The following NME9 variants were observed in gnomAD, a reference collection of about 807,000 sequenced individuals.
NME9 encodes NME/NM23 family member 9.
NME9 carries 48 observed loss-of-function variants against 44.4 expected under a neutral mutation model. That is an observed-to-expected ratio of 1.08 (90% confidence interval 0.86 to 1.37). The LOEUF (loss-of-function observed/expected upper bound fraction) is 1.37. NME9 is among the 40% of genes most tolerant of loss of function. The pLI, the probability that NME9 is intolerant of heterozygous loss-of-function variation, is 0.00. For missense variants in NME9, 325 were observed against 405.2 expected (o/e 0.80, Z 1.70); for synonymous variants, 139 against 147.1 (o/e 0.94, Z 0.40).
rs912340785 is a variant in NME9 at position 138,304,912 on chromosome 3, G to T, written c.752C>A (p.Pro251His). The T allele has an allele frequency of 1.2e-6, 2 of 1,614,164 alleles. No individual in the cohort carries two copies. Among genetic ancestry groups the T allele is most frequent in the Non-Finnish European group, 1.7e-6 (2 of 1,180,014 alleles). Residue 251 changes from proline to histidine, a missense_variant, in exon 9 of 11, where the codon CCC (proline) becomes CAC (histidine). Pro to His is a moderately conservative substitution (Grantham distance 77). Coordinates refer to ENST00000333911, the MANE Select transcript of NME9 (RefSeq NM_001349018.2). Reference sequence around the variant, plus strand: ...CCTCCTGGCCACATTGGGGTCACGGGGGCCCATGACGGTTCGCCAGGTAGT... The same window carrying T: ...CCTCCTGGCCACATTGGGGTCACGGTGGCCCATGACGGTTCGCCAGGTAGT... ...VVTTWRTVMG[P>H]RDPNVARREQ... is the part of the protein sequence containing the mutation.
chr3:138,281,901 T>C (rs898175286), intron 8 of NME9, among the ~76,000 whole-genome samples: 1 of 152,198 alleles, frequency 6.6e-6, no homozygotes, highest in East Asian at 1.9e-4. Context: ...TTATGAAGCC[T>C]TATTAAAATT....
intron 8 of NME9, among the ~76,000 whole-genome samples, chr3:138,264,669 C>T (rs1004910655): frequency 5.9e-5 from 9 of 151,898 alleles, no homozygotes; most frequent in Admixed American, 4.6e-4. Flanking sequence ...CTGCCCGCCT[C>T]GGCCCTCCAA....
chr3:138,308,945 G>GAAAAAA (rs1002890235), intron 6 of NME9, among the ~76,000 whole-genome samples: 20 of 52,838 alleles, frequency 3.8e-4, no homozygotes, highest in African/African-American at 8.6e-4. Context: ...AATACTGAAA[G>GAAAAAA]AAAAAAAAAA....
chr3:138,270,201 A>T, intron 8 of NME9: 1 of 1,195,872 alleles, frequency 8.4e-7, no homozygotes, highest in Non-Finnish European at 1.2e-6. Flanking sequence ...TTAGAACTAT[A>T]ATGTGTTATT....
At chr3:138,317,454 T>TG (rs1043375051) in intron 4 of NME9, among the ~76,000 whole-genome samples, 1 of 152,164 alleles carries the variant, frequency 6.6e-6, no homozygotes, top group Non-Finnish European at 1.5e-5. Flanking sequence ...GCCTGGCAGG[T>TG]GGCCTAAACC....
At chr3:138,287,676 GAAGA>G (rs1474649623) in intron 8 of NME9, 15 of 456,514 alleles carry the variant, frequency 3.3e-5, no homozygotes, top group Admixed American at 9.4e-5. Flanking sequence ...GCAGTTAGAA[GAAGA>G]AAGAATCACT....
intron 6 of NME9, among the ~76,000 whole-genome samples, chr3:138,306,982 A>G (rs372236800): frequency 2.0e-5 from 3 of 152,126 alleles, no homozygotes; most frequent in South Asian, 2.1e-4. Context: ...CTTTCACTCT[A>G]CTGGCTCCTG....
At chr3:138,291,237 T>A (rs756969578) in intron 8 of NME9, among the ~76,000 whole-genome samples, 9 of 152,206 alleles carry the variant, frequency 5.9e-5, no homozygotes, top group Non-Finnish European at 1.0e-4. Context: ...TACTTTTGAG[T>A]CTCTAGACTC....
chr3:138,320,615 T>C (rs114456056), intron 2 of NME9, among the ~76,000 whole-genome samples: 2,241 of 152,318 alleles, frequency 0.015, 56 homozygotes, highest in African/African-American at 0.049. Context: ...GTATAGAAAC[T>C]GGTGGCACTG....
intron 8 of NME9, among the ~76,000 whole-genome samples, chr3:138,287,388 A>C (rs2050534651): frequency 6.6e-6 from 1 of 152,174 alleles, no homozygotes; most frequent in Non-Finnish European, 1.5e-5. Context: ...TCTCTGTTTA[A>C]GTATTGCCAC....
chr3:138,305,850 A>G (rs547264036), intron 8 of NME9, 154 bp downstream of exon 8: 15 of 647,390 alleles, frequency 2.3e-5, no homozygotes, highest in African/African-American at 1.8e-4. Context: ...GATACAGCCT[A>G]TTGTCATTCT....
intron 1 of NME9, among the ~76,000 whole-genome samples, chr3:138,326,801 G>A (rs2053814992): frequency 1.3e-5 from 2 of 151,668 alleles, no homozygotes; most frequent in Admixed American, 6.6e-5. Context: ...ATGCATTATT[G>A]GCAATAAGGG....
intron 6 of NME9, among the ~76,000 whole-genome samples, chr3:138,312,700 G>T (rs1013145608): frequency 6.6e-6 from 1 of 152,142 alleles, no homozygotes; most frequent in Non-Finnish European, 1.5e-5. Flanking sequence ...TCTGAACAAA[G>T]ATTTTTTGTG....
At chr3:138,300,320 C>CA (rs1420072834), downstream of NME9, among the ~76,000 whole-genome samples, 1 of 152,158 alleles carries the variant, frequency 6.6e-6, no homozygotes, top group Non-Finnish European at 1.5e-5. Flanking sequence ...CCCCTGAGCA[C>CA]AGAGTGTGTT....
chr3:138,288,716 C>T (rs1426575152), intron 8 of NME9, among the ~76,000 whole-genome samples: 2 of 149,950 alleles, frequency 1.3e-5, no homozygotes, highest in Non-Finnish European at 1.5e-5. Context: ...CAGCTCACTG[C>T]AACCTCTGCC....
intron 8 of NME9, among the ~76,000 whole-genome samples, chr3:138,271,125 T>A (rs530899994): frequency 6.6e-6 from 1 of 152,204 alleles, no homozygotes; most frequent in Non-Finnish European, 1.5e-5. Flanking sequence ...TGTGTTTTTA[T>A]ACAGACTTTA....
At chr3:138,262,680 G>A (rs554933643) in intron 8 of NME9, 3 of 1,245,520 alleles carry the variant, frequency 2.4e-6, no homozygotes, top group East Asian at 2.7e-5. Context: ...CTGGACATAG[G>A]ATTAAAAAAA....
Position 138,329,671 on chromosome 3 carries a change from T to G in NME9, c.-336A>C. 2 of 1,204,448 alleles carry G rather than the reference T, an allele frequency of 1.7e-6. No individual in the cohort carries two copies. The highest frequency in any genetic ancestry group is 4.3e-5 in the East Asian group (1 of 23,176). The allele number at this position is 1,204,448 out of a possible 1,614,324, so 74.6% of individuals were successfully genotyped here. On this transcript the variant is annotated 5_prime_UTR_variant, in exon 1 of 11. Transcript: ENST00000333911. ...TCAGTGCGCCGGGCGCGGTGCAGCC[T>G]GTCGGGCACAGGGTCGCCAGTCGAG... is the stretch of plus-strand genomic sequence containing the variant.
intron 8 of NME9, chr3:138,273,228 C>T: frequency 8.9e-7 from 1 of 1,124,698 alleles, no homozygotes; most frequent in Non-Finnish European, 1.2e-6. Flanking sequence ...GATTCAAATG[C>T]TGCCCCCTTC....
Sources: gnomAD v4.1 joint callset for allele counts (sites outside exome capture counted in the v4.1 genomes callset) on GRCh38, gnomAD v4.1.1 for gene constraint, MANE v1.5 for transcripts, NCBI Gene and HGNC (gene_info 2026-07-23, HGNC 2026-07-21) for gene names.